Variants in JAZF1 observed in about 807,000 individuals in gnomAD.
JAZF1 encodes the protein juxtaposed with another zinc finger protein 1.
A neutral mutation model predicts 26.4 loss-of-function variants in JAZF1; 8 were observed. That is an observed-to-expected ratio of 0.30 (90% CI 0.18 to 0.55). JAZF1 has a LOEUF of 0.55. Ranked by LOEUF, JAZF1 falls within the 20% of genes least tolerant of loss-of-function variation. The probability of loss-of-function intolerance (pLI) is 0.94; values close to 1 mark genes in which losing one functional copy is unlikely to be tolerated. For missense variants in JAZF1, 199 were observed against 322.0 expected (o/e 0.62, Z 2.92); for synonymous variants, 126 against 122.3 (o/e 1.03, Z -0.20).
intron 1 of JAZF1, among the ~76,000 whole-genome samples, chr7:28,112,884 T>C (rs967200079): frequency 3.3e-5 from 5 of 152,136 alleles, no homozygotes; most frequent in African/African-American, 1.2e-4. Flanking sequence ...AACTTCCTCT[T>C]AAAAATGATG....
At chr7:27,866,846 C>T (rs972569936) in intron 3 of JAZF1, among the ~76,000 whole-genome samples, 3 of 152,092 alleles carry the variant, frequency 2.0e-5, no homozygotes, top group African/African-American at 7.2e-5. Context: ...TTAGTGGAGA[C>T]CTGGGGATAA....
intron 2 of JAZF1, among the ~76,000 whole-genome samples, chr7:27,973,728 A>C (rs537251752): frequency 2.0e-5 from 3 of 152,266 alleles, no homozygotes; most frequent in African/African-American, 7.2e-5. Context: ...CACAGCCAGA[A>C]AGAAGTGGAG....
chr7:28,110,494 A>AT (rs1417636223), intron 1 of JAZF1, among the ~76,000 whole-genome samples: 4 of 25,956 alleles, frequency 1.5e-4, no homozygotes, highest in Non-Finnish European at 4.3e-4. Flanking sequence ...AAAGGAAAGG[A>AT]AAGGAAAGGA....
chr7:28,176,236 T>A (rs1452271342), intron 1 of JAZF1, among the ~76,000 whole-genome samples: 2 of 152,232 alleles, frequency 1.3e-5, no homozygotes, highest in Non-Finnish European at 2.9e-5. Flanking sequence ...AATGTTTCAA[T>A]AGCAAAGCTG....
intron 1 of JAZF1, among the ~76,000 whole-genome samples, chr7:27,996,150 G>A (rs1786011358): frequency 6.6e-6 from 1 of 152,210 alleles, no homozygotes; most frequent in Admixed American, 6.5e-5. Context: ...GCCTGGTCAG[G>A]TGAGGCTAAT....
At chr7:27,884,336 AC>A (rs1037657295) in intron 3 of JAZF1, among the ~76,000 whole-genome samples, 122 of 152,248 alleles carry the variant, frequency 8.0e-4, no homozygotes, top group African/African-American at 2.8e-3. Flanking sequence ...CACTATGATG[AC>A]CAGGTTGGTC....
intron 1 of JAZF1, among the ~76,000 whole-genome samples, chr7:27,998,662 A>C (rs1430458742): frequency 6.6e-6 from 1 of 152,262 alleles, no homozygotes; most frequent in Non-Finnish European, 1.5e-5. Flanking sequence ...TGTTGCTGTA[A>C]ACTTTATGAG....
At chr7:28,113,882 T>C (rs1784700951) in intron 1 of JAZF1, among the ~76,000 whole-genome samples, 1 of 152,198 alleles carries the variant, frequency 6.6e-6, no homozygotes, top group South Asian at 2.1e-4. Flanking sequence ...GATCTCTATA[T>C]ATGAAATAAG....
intron 3 of JAZF1, among the ~76,000 whole-genome samples, chr7:27,889,492 C>A (rs974385508): frequency 6.6e-6 from 1 of 152,160 alleles, no homozygotes; most frequent in African/African-American, 2.4e-5. Flanking sequence ...ATCTTCCAAT[C>A]ATATGTCCTA....
chr7:28,038,840 A>C (rs776657108), intron 1 of JAZF1, among the ~76,000 whole-genome samples: 5 of 152,230 alleles, frequency 3.3e-5, no homozygotes, highest in African/African-American at 4.8e-5. Flanking sequence ...AGTTTAGTAC[A>C]TATTCAGCTT....
At chr7:27,894,009 G>C (rs1214358816) in intron 3 of JAZF1, among the ~76,000 whole-genome samples, 1 of 152,174 alleles carries the variant, frequency 6.6e-6, no homozygotes. Context: ...CTGTGGTTTA[G>C]CTTTATGTAA....
rs771128232 is a variant in JAZF1, at chr7:27,840,854, G to T, written c.399C>A (p.Asp133Glu). ...RSSTPTGSEY[D>E]EEEVDYEESD... is the part of the protein sequence containing the mutation. ...ACTCCTCATAGTCCACCTCCTCCTC[G>T]TCATACTCGCTGCCTGCAGGACAAG... The change falls in exon 4 of 5, where the codon GAC (aspartate) becomes GAA (glutamate). Residue 133 changes from aspartate (D) to glutamate (E), a missense_variant. Around this residue, in one of 2 missense-constraint regions of JAZF1, gnomAD observed 137 missense variants for 184.8 expected, o/e 0.74. Transcript: ENST00000283928. The surrounding 1 kb of genome is among the most constrained non-coding windows in gnomAD (Gnocchi z 5.1). 1 of 1,613,934 alleles carries T rather than the reference G, an allele frequency of 6.2e-7. No homozygotes were observed. The highest frequency in any genetic ancestry group is 1.1e-5 in the South Asian group (1 of 91,062).
At chr7:27,884,797 CTA>C (rs968918812) in intron 3 of JAZF1, among the ~76,000 whole-genome samples, 3 of 152,206 alleles carry the variant, frequency 2.0e-5, no homozygotes, top group African/African-American at 7.2e-5. Flanking sequence ...AATAAAGGTG[CTA>C]TATACATCCT....
At chr7:27,856,062 G>A (rs1453939267) in intron 3 of JAZF1, among the ~76,000 whole-genome samples, 1 of 152,210 alleles carries the variant, frequency 6.6e-6, no homozygotes, top group Non-Finnish European at 1.5e-5. Context: ...TCCGGAATTG[G>A]TGGGTTCTTG....
chr7:27,913,805 T>C (rs146266248), intron 2 of JAZF1, among the ~76,000 whole-genome samples: 4 of 152,196 alleles, frequency 2.6e-5, no homozygotes, highest in Non-Finnish European at 5.9e-5. Context: ...AGTTGTTACC[T>C]AGCAGGGGCT....
chr7:28,068,529 A>G (rs2127908911), intron 1 of JAZF1, among the ~76,000 whole-genome samples: 1 of 152,210 alleles, frequency 6.6e-6, no homozygotes, highest in East Asian at 1.9e-4. Context: ...CAATTGCTGG[A>G]ATGGCACTAA....
intron 1 of JAZF1, among the ~76,000 whole-genome samples, chr7:28,084,097 A>T (rs1182935271): frequency 6.6e-6 from 1 of 152,164 alleles, no homozygotes; most frequent in African/African-American, 2.4e-5. Context: ...CAGTCTTGTA[A>T]CCATCACACT....
chr7:27,931,536 T>A (rs1784688206), intron 2 of JAZF1, among the ~76,000 whole-genome samples: 1 of 152,184 alleles, frequency 6.6e-6, no homozygotes, highest in Admixed American at 6.5e-5. Flanking sequence ...GTTTGGAGGC[T>A]GGGCGTGGTG....
chr7:28,151,111 A>AT (rs57384411), intron 1 of JAZF1, among the ~76,000 whole-genome samples: 1 of 143,782 alleles, frequency 7.0e-6, no homozygotes, highest in Admixed American at 6.7e-5. Flanking sequence ...ATATATATAT[A>AT]TTTTTTTTTT....
Sources: allele counts gnomAD v4.1 joint callset (sites outside exome capture counted in the v4.1 genomes callset), GRCh38; gene constraint gnomAD v4.1.1; regional missense constraint gnomAD v4.1.1; non-coding constraint Gnocchi (gnomAD v3.1); transcripts MANE v1.5; gene names NCBI Gene and HGNC (gene_info 2026-07-23, HGNC 2026-07-21).